KCNT2: variants seen among roughly 807,000 people sequenced by gnomAD.
KCNT2 encodes the protein potassium channel subfamily T member 2.
Under a neutral mutation model 153.8 loss-of-function variants are expected in KCNT2, and 67 were observed. That is an observed-to-expected ratio of 0.44 (90% confidence interval 0.36 to 0.53). The LOEUF is 0.53. Among genes scored for constraint, KCNT2 ranks in the 20% least tolerant of loss-of-function variants. The pLI is 0.00. For synonymous variants in KCNT2, 500 were observed against 458.8 expected, an observed-to-expected ratio of 1.09 and a Z score of -1.15; for missense variants, 975 against 1,354.8, an observed-to-expected ratio of 0.72 and a Z score of 4.40.
chr1:196,274,960 T>C (rs1658416735), intron 25 of KCNT2, among the ~76,000 whole-genome samples: 1 of 151,860 alleles, frequency 6.6e-6, no homozygotes, highest in South Asian at 2.1e-4. Context: ...TTATATGCTA[T>C]ATAGTAGCTA....
intron 7 of KCNT2, 68 bp from the exon 8 acceptor site, chr1:196,465,455 T>TA: frequency 1.2e-6 from 1 of 845,044 alleles, no homozygotes; most frequent in Non-Finnish European, 2.1e-6. Context: ...TTCATTACAT[T>TA]TATTAGCATA....
chr1:196,398,827 T>C (rs780150147), intron 12 of KCNT2, among the ~76,000 whole-genome samples, 156 bp from the exon 13 acceptor site: 2 of 151,634 alleles, frequency 1.3e-5, no homozygotes, highest in Non-Finnish European at 3.0e-5. Flanking sequence ...ATTATTTCCA[T>C]AGAAGAAGGT....
chr1:196,479,838 A>T (rs1181566869), intron 4 of KCNT2, among the ~76,000 whole-genome samples: 1 of 152,278 alleles, frequency 6.6e-6, no homozygotes, highest in Admixed American at 6.5e-5. Context: ...AAAATGAAAT[A>T]ACACACACTT....
intron 12 of KCNT2, among the ~76,000 whole-genome samples, chr1:196,417,341 T>A (rs899378467): frequency 2.6e-5 from 4 of 152,102 alleles, no homozygotes; most frequent in Non-Finnish European, 5.9e-5. Flanking sequence ...GATTTTTTCC[T>A]AGACCAAGAC....
chr1:196,290,540 G>A (rs1558107683), intron 22 of KCNT2, among the ~76,000 whole-genome samples: 1 of 149,614 alleles, frequency 6.7e-6, no homozygotes, highest in African/African-American at 2.5e-5. Flanking sequence ...ACATATATAT[G>A]TGTGTGTGTG....
At position 196,519,750 on chromosome 1, in the gene KCNT2, T is replaced by C. The variant is rs528569799; in HGVS notation, c.96-27409A>G. 1.2e-4 allele frequency among the ~76,000 whole-genome samples: 18 copies of C among 152,132 alleles called. 1 individual carries two copies. The South Asian group carries it at 2.1e-3, about 18-fold the overall frequency. On this transcript the variant is annotated intron_variant, in intron 1 of 27. Coordinates refer to ENST00000294725, the MANE Select transcript of KCNT2 (RefSeq NM_198503.5). ...CTCCCAAGACTGAACCAGGAAGAAATTGATTCCCTGAACAGACCAAAAATG... is the reference window on the plus strand; with the variant it reads ...CTCCCAAGACTGAACCAGGAAGAAACTGATTCCCTGAACAGACCAAAAATG...
chr1:196,416,635 T>G (rs1672776193), intron 12 of KCNT2, among the ~76,000 whole-genome samples: 1 of 152,048 alleles, frequency 6.6e-6, no homozygotes, highest in South Asian at 2.1e-4. Context: ...TTATGAAGCT[T>G]CACTTGGCAT....
At chr1:196,537,843 G>C (rs549994774) in intron 1 of KCNT2, among the ~76,000 whole-genome samples, 11 of 152,162 alleles carry the variant, frequency 7.2e-5, no homozygotes, top group African/African-American at 2.4e-4. Context: ...CTTATCTCTC[G>C]TGGGGGCGGG....
chr1:196,345,986 A>T (rs1666108225), intron 14 of KCNT2, among the ~76,000 whole-genome samples: 1 of 152,172 alleles, frequency 6.6e-6, no homozygotes, highest in South Asian at 2.1e-4. Flanking sequence ...AGGAGATGTC[A>T]AACAGACATA....
rs1571713492 is a variant in KCNT2 at position 196,226,240 on chromosome 1, CT to C, written c.*1983del. On this transcript the variant is annotated 3_prime_UTR_variant, in exon 28 of 28. Coordinates refer to ENST00000294725, the MANE Select transcript of KCNT2 (RefSeq NM_198503.5). Reference sequence around the variant, plus strand: ...GATTTGTAAAATCTTACATTTATTCCTAAAAATAATGAAGTAAAAAAAGTCA... The same window carrying C: ...GATTTGTAAAATCTTACATTTATTCCAAAAATAATGAAGTAAAAAAAGTCA... 2.0e-5 allele frequency: 3 copies of C among 151,766 alleles called. No individual in the cohort carries two copies. In the East Asian group the frequency reaches 5.8e-4, roughly 29 times the overall value. 9.4% of individuals were successfully genotyped at this position (151,766 alleles called of 1,614,324 possible). A position where few individuals can be genotyped will look rare whatever the true frequency, so the allele number is the denominator to read the frequency against.
chr1:196,468,667 A>G (rs569779321), intron 6 of KCNT2, among the ~76,000 whole-genome samples: 6 of 152,062 alleles, frequency 3.9e-5, no homozygotes, highest in Non-Finnish European at 8.8e-5. Flanking sequence ...CAATTGGCTT[A>G]TTTTTTTAAA....
chr1:196,392,968 T>C (rs1436681368), intron 13 of KCNT2, among the ~76,000 whole-genome samples: 1 of 151,450 alleles, frequency 6.6e-6, no homozygotes, highest in African/African-American at 2.4e-5. Flanking sequence ...TGCATTCTTC[T>C]AGGCAGGTTT....
At chr1:196,370,275 T>C (rs1402547257) in intron 14 of KCNT2, among the ~76,000 whole-genome samples, 1 of 151,828 alleles carries the variant, frequency 6.6e-6, no homozygotes, top group Non-Finnish European at 1.5e-5. Flanking sequence ...CAAATGTAAA[T>C]AAAGTGAGCG....
At chr1:196,545,841 A>G (rs1657012102) in intron 1 of KCNT2, among the ~76,000 whole-genome samples, 1 of 151,764 alleles carries the variant, frequency 6.6e-6, no homozygotes, top group Non-Finnish European at 1.5e-5. Context: ...GACTCTTCTC[A>G]TTGAGCCTAA....
intron 22 of KCNT2, among the ~76,000 whole-genome samples, chr1:196,288,149 A>T (rs1218754172): frequency 6.6e-6 from 1 of 151,694 alleles, no homozygotes; most frequent in Non-Finnish European, 1.5e-5. Flanking sequence ...AATAAAAAAT[A>T]AAAAAATAAA....
intron 1 of KCNT2, among the ~76,000 whole-genome samples, chr1:196,512,125 G>A (rs896269215): frequency 2.0e-5 from 3 of 152,112 alleles, no homozygotes; most frequent in Non-Finnish European, 4.4e-5. Context: ...ATTAGGCACA[G>A]TTGATCATTT....
intron 1 of KCNT2, among the ~76,000 whole-genome samples, chr1:196,607,548 A>T (rs1229673680): frequency 6.6e-6 from 1 of 152,244 alleles, no homozygotes; most frequent in Admixed American, 6.5e-5. Flanking sequence ...TATACTAGTT[A>T]TGAAAAGGTT....
chr1:196,469,143 A>T, intron 5 of KCNT2, 75 bp from the exon 6 acceptor site: 5 of 797,848 alleles, frequency 6.3e-6, no homozygotes, highest in Non-Finnish European at 1.1e-5. Context: ...GACAGCACTT[A>T]GAATTTCTCT....
intron 2 of KCNT2, among the ~76,000 whole-genome samples, chr1:196,490,866 T>C (rs1379954367): frequency 6.6e-6 from 1 of 152,054 alleles, no homozygotes; most frequent in Non-Finnish European, 1.5e-5. Flanking sequence ...CCTATAATTA[T>C]TACTTAATAA....
Sources: gnomAD v4.1 joint callset for allele counts (sites outside exome capture counted in the v4.1 genomes callset) on GRCh38, gnomAD v4.1.1 for gene constraint, MANE v1.5 for transcripts, NCBI Gene and HGNC (gene_info 2026-07-23, HGNC 2026-07-21) for gene names.